ZFPM2: variants seen among roughly 807,000 people sequenced by gnomAD.
The protein encoded by ZFPM2 is zinc finger protein, FOG family member 2.
In ZFPM2, 20 loss-of-function variants were observed where a neutral mutation model predicts 98.6. The observed-to-expected ratio is 0.20, with a 90% CI of 0.14 to 0.29. ZFPM2 has a LOEUF of 0.29. ZFPM2 is among the 10% of genes least tolerant of loss of function. ZFPM2 has a pLI of 1.00. For missense variants in ZFPM2, 1,310 were observed against 1,388.6 expected (o/e 0.94, Z 0.90); for synonymous variants, 518 against 502.7 (o/e 1.03, Z -0.41).
intron 2 of ZFPM2, among the ~76,000 whole-genome samples, chr8:105,429,740 G>A (rs1811983597): frequency 6.7e-6 from 1 of 149,854 alleles, no homozygotes; most frequent in Non-Finnish European, 1.5e-5. Flanking sequence ...TAGCTTATAT[G>A]CTAAGGAAAA....
At chr8:105,380,384 G>A (rs918688087) in intron 1 of ZFPM2, among the ~76,000 whole-genome samples, 3 of 150,518 alleles carry the variant, frequency 2.0e-5, no homozygotes, top group African/African-American at 7.3e-5. Context: ...GAAAGAGAAA[G>A]GCAGGTGCTG....
chr8:105,521,409 G>A (rs370100493), intron 3 of ZFPM2, among the ~76,000 whole-genome samples: 1 of 60,306 alleles, frequency 1.7e-5, no homozygotes, highest in East Asian at 4.1e-4. Context: ...TAAGGGGGGA[G>A]GGGGGGAGGG....
chr8:105,569,860 C>T (rs898986770), intron 4 of ZFPM2, among the ~76,000 whole-genome samples: 1 of 151,976 alleles, frequency 6.6e-6, no homozygotes, highest in Non-Finnish European at 1.5e-5. Context: ...TGGCAGTCGC[C>T]CACTGTGAGC....
intron 2 of ZFPM2, among the ~76,000 whole-genome samples, chr8:105,433,559 G>T (rs187467521): frequency 6.6e-6 from 1 of 152,064 alleles, no homozygotes; most frequent in Admixed American, 6.5e-5. Context: ...AGGCCGAGGC[G>T]GTTGGATCAC....
At chr8:105,777,195 C>A (rs1813123187) in intron 5 of ZFPM2, among the ~76,000 whole-genome samples, 1 of 152,144 alleles carries the variant, frequency 6.6e-6, no homozygotes, top group African/African-American at 2.4e-5. Context: ...TTTTCCAGTT[C>A]TTAAGCAATT....
intron 5 of ZFPM2, among the ~76,000 whole-genome samples, chr8:105,688,032 G>A (rs1047238753): frequency 1.3e-5 from 2 of 152,016 alleles, no homozygotes; most frequent in East Asian, 1.9e-4. Flanking sequence ...AGGTGAAAAA[G>A]AAACACTAGA....
intron 5 of ZFPM2, among the ~76,000 whole-genome samples, chr8:105,784,569 T>TATTATATGTTATTTATTATATG (rs1813356217): frequency 6.8e-6 from 1 of 146,020 alleles, no homozygotes; most frequent in East Asian, 1.9e-4. Context: ...TATAAACATT[T>TATTATATGTTATTTATTATATG]ATTATATGTT....
At chr8:105,339,987 A>G (rs1425421611) in intron 1 of ZFPM2, among the ~76,000 whole-genome samples, 2 of 151,912 alleles carry the variant, frequency 1.3e-5, no homozygotes, top group East Asian at 3.9e-4. Context: ...ACAGGATTTG[A>G]AAATATTGTA....
rs549899352 is a variant in ZFPM2, at chr8:105,407,451, T to G, written c.41-11693T>G. Among the ~76,000 whole-genome samples, 4 of 151,958 alleles carry G rather than the reference T, an allele frequency of 2.6e-5. No homozygotes were observed. In the East Asian group the frequency reaches 7.8e-4, roughly 29 times the overall value. ...CAACTATTTGAAAATAGGAAAATGT[T>G]TAGTCATAGATCTATTCCAGTTAAA... On this transcript the variant is annotated intron_variant, in intron 1 of 7. Coordinates refer to ENST00000407775, the MANE Select transcript of ZFPM2 (RefSeq NM_012082.4).
At position 105,802,346 on chromosome 8, in the gene ZFPM2, T is replaced by C; in HGVS notation, c.2264T>C (p.Leu755Pro). 4 of 1,613,818 alleles carry C rather than the reference T, an allele frequency of 2.5e-6. No homozygotes were observed. Among genetic ancestry groups the C allele is most frequent in the Non-Finnish European group, 3.4e-6 (4 of 1,179,856 alleles). Residue 755 changes from leucine to proline, a missense_variant, in exon 8 of 8, where the codon CTG becomes CCG. Leu to Pro is a moderately conservative substitution (Grantham distance 98, BLOSUM62 -3). Transcript: ENST00000407775. Reference protein sequence around the residue: ...CLPEQEQRPPLVQQRFLDVAN... With the variant: ...CLPEQEQRPPPVQQRFLDVAN... ...CCTGAGCAGGAACAAAGGCCTCCAC[T>C]GGTTCAGCAGAGATTTCTTGACGTA...
intron 5 of ZFPM2, among the ~76,000 whole-genome samples, chr8:105,697,485 A>G (rs1338409046): frequency 1.3e-5 from 2 of 152,194 alleles, no homozygotes; most frequent in African/African-American, 2.4e-5. Flanking sequence ...TATGCTTTCA[A>G]TTGCTATGAG....
chr8:105,782,845 T>G (rs1335833182), intron 5 of ZFPM2, among the ~76,000 whole-genome samples: 2 of 152,100 alleles, frequency 1.3e-5, no homozygotes, highest in African/African-American at 4.8e-5. Context: ...GTATTGAAAA[T>G]GCACTTCGTT....
intron 7 of ZFPM2, among the ~76,000 whole-genome samples, chr8:105,800,457 GGATAGA>G (rs144401810): frequency 8.9e-4 from 135 of 151,848 alleles, no homozygotes; most frequent in African/African-American, 3.1e-3. Flanking sequence ...TATCAGCCCT[GGATAGA>G]GATAAACTAT....
chr8:105,335,730 T>A (rs1214122177), intron 1 of ZFPM2, among the ~76,000 whole-genome samples: 1 of 151,746 alleles, frequency 6.6e-6, no homozygotes, highest in African/African-American at 2.4e-5. Flanking sequence ...GTAGAATAAA[T>A]TACTGAAGAT....
intron 6 of ZFPM2, among the ~76,000 whole-genome samples, chr8:105,796,326 A>AAGAC (rs1463898296): frequency 7.1e-6 from 1 of 141,466 alleles, no homozygotes; most frequent in Non-Finnish European, 1.5e-5. Context: ...TTTCTGTAGC[A>AAGAC]AGACAGCTAT....
rs1262849896 is a variant in ZFPM2, at chr8:105,788,813, A to G, written c.628A>G (p.Ser210Gly). 1.9e-6 allele frequency: 3 copies of G among 1,613,886 alleles called. No individual in the cohort carries two copies. The highest frequency in any genetic ancestry group is 2.7e-5 in the African/African-American group (2 of 74,940). The change falls in exon 6 of 8, where the codon AGT becomes GGT. Residue 210 changes from serine (S) to glycine (G), a missense_variant. By Grantham distance (56) the Ser-to-Gly change is moderately conservative. Coordinates refer to ENST00000407775, the MANE Select transcript of ZFPM2 (RefSeq NM_012082.4). ...VDFDSRLQAA[S>G]QMTLTEGMYP... Reference sequence around the variant, plus strand: ...TTTTGACTCAAGGCTACAAGCTGCCAGTCAGATGACTCTCACAGAAGGGAT... The same window carrying G: ...TTTTGACTCAAGGCTACAAGCTGCCGGTCAGATGACTCTCACAGAAGGGAT...
Position 105,512,364 on chromosome 8 carries a change from G to A in ZFPM2, c.302-48999G>A, listed in dbSNP as rs1393706417. 2.0e-5 allele frequency among the ~76,000 whole-genome samples: 3 copies of A among 152,280 alleles called. No individual in the cohort carries two copies. The South Asian group carries it at 6.2e-4, about 32-fold the overall frequency. ...CTCAATTTTCTCTTCTATGAAATGG[G>A]AATGATAATGAGTACCCCCAACAGA... is the stretch of plus-strand genomic sequence containing the variant. On this transcript the variant is annotated intron_variant, in intron 3 of 7. Transcript: ENST00000407775.
chr8:105,493,493 G>GCTATACACACAACACTATA (rs1813397024), intron 3 of ZFPM2, among the ~76,000 whole-genome samples: 2 of 152,130 alleles, frequency 1.3e-5, no homozygotes, highest in Admixed American at 1.3e-4. Flanking sequence ...AACACACACT[G>GCTATACACACAACACTATA]CAAGTGATAA....
chr8:105,655,646 A>G (rs1245345533), intron 5 of ZFPM2, among the ~76,000 whole-genome samples: 2 of 152,214 alleles, frequency 1.3e-5, no homozygotes, highest in African/African-American at 2.4e-5. Flanking sequence ...ACGCTTTATC[A>G]TAGAATCATA....
Sources: allele counts gnomAD v4.1 joint callset (sites outside exome capture counted in the v4.1 genomes callset), GRCh38; gene constraint gnomAD v4.1.1; transcripts MANE v1.5; gene names NCBI Gene and HGNC (gene_info 2026-07-23, HGNC 2026-07-21).